Variants in RERE observed in about 807,000 individuals in gnomAD.
RERE encodes arginine-glutamic acid dipeptide repeats protein.
Under a neutral mutation model 146.1 loss-of-function variants are expected in RERE, and 40 were observed. The observed-to-expected ratio is 0.27, with a 90% CI of 0.21 to 0.36. RERE has a LOEUF of 0.36. Ranked by LOEUF, RERE falls within the 10% of genes least tolerant of loss-of-function variation. RERE has a pLI of 1.00. For missense variants in RERE, 1,933 were observed against 2,138.7 expected (o/e 0.90, Z 1.90); for synonymous variants, 1,003 against 866.0 (o/e 1.16, Z -2.78).
intron 1 of RERE, among the ~76,000 whole-genome samples, chr1:8,749,681 A>G (rs1640491926): frequency 6.6e-6 from 1 of 152,196 alleles, no homozygotes; most frequent in Admixed American, 6.5e-5. Context: ...GCAAGTGGAG[A>G]GTGGTCAGAG....
At chr1:8,741,539 T>C (rs1417007304) in intron 1 of RERE, among the ~76,000 whole-genome samples, 2 of 152,140 alleles carry the variant, frequency 1.3e-5, no homozygotes. Flanking sequence ...GTCAGTGAGT[T>C]CTCATAAGAT....
intron 12 of RERE, among the ~76,000 whole-genome samples, chr1:8,413,338 ATT>A (rs1643665197): frequency 6.6e-6 from 1 of 152,106 alleles, no homozygotes; most frequent in African/African-American, 2.4e-5. Context: ...ATAAATTTTA[ATT>A]TTGTTTTTTG....
chr1:8,365,418 T>A (rs1557590984), intron 13 of RERE, among the ~76,000 whole-genome samples: 1 of 151,936 alleles, frequency 6.6e-6, no homozygotes, highest in African/African-American at 2.4e-5. Flanking sequence ...AAGAAGAAAG[T>A]GTTAATCTGA....
intron 10 of RERE, among the ~76,000 whole-genome samples, chr1:8,492,159 G>A (rs4908761): frequency 0.64 from 97,057 of 152,006 alleles, 31,467 homozygotes; most frequent in East Asian, 0.84. Context: ...AGGCTAGTCT[G>A]AAGAGTTTCA....
Position 8,353,877 on chromosome 1 carries a change from CA to C in RERE, c.*1209del, listed in dbSNP as rs1193862900. 1 of 152,600 alleles carries C rather than the reference CA, an allele frequency of 6.6e-6. No homozygotes were observed. The highest frequency in any genetic ancestry group is 2.4e-5 in the African/African-American group (1 of 41,450). 9.5% of individuals were successfully genotyped at this position (152,600 alleles called of 1,614,324 possible). A position where few individuals can be genotyped will look rare whatever the true frequency, so the allele number is the denominator to read the frequency against. ...GATCTCCCTTGCTCAAAAGTGGCCT[CA>C]ATCTGTGGCAAGAAAGATGGGGCCG... On this transcript the variant is annotated 3_prime_UTR_variant, in exon 23 of 23. Transcript: ENST00000400908.
intron 9 of RERE, among the ~76,000 whole-genome samples, chr1:8,496,511 G>GA (rs773836504): frequency 1.8e-4 from 27 of 147,160 alleles, no homozygotes; most frequent in Non-Finnish European, 3.5e-4. Flanking sequence ...AAAAAAAAAA[G>GA]AAAAAAAGAA....
chr1:8,610,462 G>A (rs1053978153), intron 4 of RERE, among the ~76,000 whole-genome samples: 5 of 152,048 alleles, frequency 3.3e-5, no homozygotes, highest in Non-Finnish European at 7.4e-5. Flanking sequence ...GGTGGTGGAC[G>A]CCTGTAATCC....
intron 8 of RERE, among the ~76,000 whole-genome samples, chr1:8,502,974 T>TAG (rs1645196826): frequency 6.6e-6 from 1 of 150,716 alleles, no homozygotes; most frequent in South Asian, 2.1e-4. Context: ...GTCCTCTGCC[T>TAG]AGGAAAACCA....
intron 2 of RERE, among the ~76,000 whole-genome samples, chr1:8,630,177 G>A (rs1647018795): frequency 6.6e-6 from 1 of 152,082 alleles, no homozygotes; most frequent in African/African-American, 2.4e-5. Context: ...TATATGTTAT[G>A]TGTGTGTGCA....
rs1645028574 is a variant in RERE, at chr1:8,495,094, C to A, written c.1073G>T (p.Arg358Leu). The A allele has an allele frequency of 1.2e-6, 2 of 1,613,646 alleles. No individual in the cohort carries two copies. The highest frequency in any genetic ancestry group is 1.1e-5 in the South Asian group (1 of 91,058). ...STEDGCVAAS[R>L]DDTTLNALNT... ...CAGTGCATTCAGAGTGGTGTCATCCCGAGAGGCTGCGACACAGCCGTCCTC... is the reference window on the plus strand; with the variant it reads ...CAGTGCATTCAGAGTGGTGTCATCCAGAGAGGCTGCGACACAGCCGTCCTC... The change falls in exon 10 of 23, where the codon CGG becomes CTG. Residue 358 changes from arginine to leucine, a missense_variant. Coordinates refer to ENST00000400908, the MANE Select transcript of RERE (RefSeq NM_001042681.2).
intron 1 of RERE, chr1:8,750,779 T>C: frequency 1.3e-6 from 1 of 794,328 alleles, no homozygotes; most frequent in Non-Finnish European, 2.3e-6. Context: ...TTATCAAATC[T>C]TCAGTGGAAC....
intron 1 of RERE, among the ~76,000 whole-genome samples, chr1:8,691,090 G>T (rs1009567047): frequency 6.6e-6 from 1 of 151,960 alleles, no homozygotes; most frequent in Non-Finnish European, 1.5e-5. Flanking sequence ...TACAGACGGG[G>T]TTTTACCATG....
At chr1:8,366,607 C>T (rs1012406985) in intron 12 of RERE, among the ~76,000 whole-genome samples, 18 of 152,092 alleles carry the variant, frequency 1.2e-4, no homozygotes, top group Admixed American at 3.3e-4. Context: ...TCTGACATGC[C>T]GGCACGACGT....
chr1:8,569,326 T>C (rs1646191582), intron 4 of RERE, among the ~76,000 whole-genome samples: 1 of 151,804 alleles, frequency 6.6e-6, no homozygotes, highest in African/African-American at 2.4e-5. Flanking sequence ...TTGGTTGTTG[T>C]TTGGTGACGG....
chr1:8,414,809 T>C (rs1643717713), intron 12 of RERE, among the ~76,000 whole-genome samples: 1 of 152,124 alleles, frequency 6.6e-6, no homozygotes, highest in South Asian at 2.1e-4. Flanking sequence ...TTTTCCTATT[T>C]ACCTAACACA....
intron 1 of RERE, among the ~76,000 whole-genome samples, chr1:8,667,544 G>A (rs1411361493): frequency 6.6e-6 from 1 of 152,150 alleles, no homozygotes; most frequent in Non-Finnish European, 1.5e-5. Context: ...GGGCATGGTG[G>A]CACGTGCCTG....
chr1:8,358,893 T>C lies in RERE; in HGVS notation c.3642A>G (p.Glu1214=). Residue 1214 remains glutamate (E), a synonymous_variant, in exon 20 of 23, where the codon GAA becomes GAG. Transcript: ENST00000400908. ...RAAKASSSAH[E]GRLSDPQLSG... ...TGAGCTGTGGGTCACTGAGGCGACC[T>C]TCATGCGCTGAGCTGGACGCCTTCT... 3 of 1,553,184 alleles carry C rather than the reference T, an allele frequency of 1.9e-6. No homozygotes were observed. The highest frequency in any genetic ancestry group is 1.7e-6 in the Non-Finnish European group (2 of 1,149,678).
intron 10 of RERE, among the ~76,000 whole-genome samples, chr1:8,490,483 C>T (rs1163283138): frequency 6.7e-6 from 1 of 150,204 alleles, no homozygotes; most frequent in Admixed American, 6.6e-5. Context: ...AAGACTCATA[C>T]AACAATGTTG....
At chr1:8,483,345 G>A (rs1383861518) in intron 10 of RERE, among the ~76,000 whole-genome samples, 2 of 152,192 alleles carry the variant, frequency 1.3e-5, no homozygotes, top group African/African-American at 4.8e-5. Flanking sequence ...TCCCGGCAAT[G>A]CCTTATTTGG....
Sources: gnomAD v4.1 joint callset for allele counts (sites outside exome capture counted in the v4.1 genomes callset) on GRCh38, gnomAD v4.1.1 for gene constraint, MANE v1.5 for transcripts, NCBI Gene and HGNC (gene_info 2026-07-23, HGNC 2026-07-21) for gene names.